The following NEBL variants were observed in gnomAD, a reference collection of about 807,000 sequenced individuals.
NEBL encodes the protein LIM and SH3 protein 2.
In NEBL, 122 loss-of-function variants were observed where a neutral mutation model predicts 140.2. The ratio of observed to expected loss-of-function variants is 0.87; its 90% confidence interval spans 0.75 to 1.01. The LOEUF is 1.01. NEBL is among the 50% of genes least tolerant of loss of function. The pLI is 0.00. For missense variants in NEBL, 1,365 were observed against 1,231.3 expected, an observed-to-expected ratio of 1.11 and a Z score of -1.62; for synonymous variants, 436 against 398.9, an observed-to-expected ratio of 1.09 and a Z score of -1.11.
intron 2 of NEBL, among the ~76,000 whole-genome samples, chr10:21,023,180 G>A (rs1838869930): frequency 6.6e-6 from 1 of 152,110 alleles, no homozygotes; most frequent in Admixed American, 6.6e-5. Flanking sequence ...TGTATTCTGT[G>A]GGATAAAGTT....
intron 3 of NEBL, among the ~76,000 whole-genome samples, chr10:21,008,114 T>C (rs1838205950): frequency 6.6e-6 from 1 of 152,212 alleles, no homozygotes; most frequent in African/African-American, 2.4e-5. Flanking sequence ...TTAACTTTGT[T>C]ATATTATTAT....
chr10:21,070,774 G>A (rs1460623244), intron 2 of NEBL, among the ~76,000 whole-genome samples: 5 of 152,136 alleles, frequency 3.3e-5, no homozygotes, highest in East Asian at 1.9e-4. Context: ...ATAAGGAAAC[G>A]GAGTCTTTAT....
At chr10:20,949,159 T>G (rs1263940077) in intron 4 of NEBL, among the ~76,000 whole-genome samples, 1 of 152,200 alleles carries the variant, frequency 6.6e-6, no homozygotes, top group African/African-American at 2.4e-5. Context: ...CTGATTGCCC[T>G]GGCCAGAACT....
intron 2 of NEBL, among the ~76,000 whole-genome samples, chr10:20,895,102 C>T (rs987878053): frequency 3.9e-5 from 6 of 151,996 alleles, no homozygotes; most frequent in African/African-American, 7.3e-5. Flanking sequence ...ATAAAGGCCA[C>T]CACCCCTCAC....
At chr10:21,026,605 C>T (rs1055035201) in intron 2 of NEBL, among the ~76,000 whole-genome samples, 15 of 152,178 alleles carry the variant, frequency 9.9e-5, no homozygotes, top group African/African-American at 3.6e-4. Context: ...TCTGGCTTTC[C>T]GTTTACCTAA....
intron 3 of NEBL, among the ~76,000 whole-genome samples, chr10:20,981,727 A>T (rs930560064): frequency 6.6e-6 from 1 of 152,172 alleles, no homozygotes; most frequent in Non-Finnish European, 1.5e-5. Flanking sequence ...CACTGGACTG[A>T]CAGCTACAAG....
At chr10:21,026,545 G>A (rs913872066) in intron 2 of NEBL, among the ~76,000 whole-genome samples, 3 of 152,040 alleles carry the variant, frequency 2.0e-5, no homozygotes, top group East Asian at 1.9e-4. Context: ...ATTCTAAATC[G>A]ATTATATCCA....
intron 2 of NEBL, among the ~76,000 whole-genome samples, chr10:21,031,233 G>A (rs656069): frequency 0.61 from 92,302 of 151,964 alleles, 28,083 homozygotes; most frequent in East Asian, 0.73. Context: ...GGATGATGAT[G>A]AACCCTATGG....
In NEBL at chr10:21,173,856, G is replaced by A; in HGVS notation, c.-23C>T. The stretch of plus-strand genomic sequence containing the variant: ...CATGATCGCGGTTCCCGGGGGCGGC[G>A]GCGGCGGCGGCTGCTGGCTCCCAGG... On this transcript the variant is annotated 5_prime_UTR_variant, in exon 1 of 7. Coordinates refer to the NEBL transcript ENST00000417816. The surrounding 1 kb of genome is among the most constrained non-coding windows in gnomAD (Gnocchi z 5.7). The A allele has an allele frequency of 6.2e-7, 1 of 1,607,844 alleles. No homozygotes were observed. Among genetic ancestry groups the A allele is most frequent in the African/African-American group, 1.3e-5 (1 of 74,912 alleles).
chr10:20,898,346 A>G (rs1847668675), upstream of NEBL, among the ~76,000 whole-genome samples: 2 of 152,146 alleles, frequency 1.3e-5, no homozygotes, highest in African/African-American at 4.8e-5. Context: ...AGTAATACTG[A>G]TGATACAAAA....
intron 3 of NEBL, among the ~76,000 whole-genome samples, chr10:21,011,987 C>T (rs545828287): frequency 6.6e-6 from 1 of 152,350 alleles, no homozygotes; most frequent in African/African-American, 2.4e-5. Context: ...GCCTGCCATG[C>T]TGCAGAGGCC....
chr10:20,826,656 A>T (rs1839907503), intron 17 of NEBL, 117 bp from the exon 18 acceptor site: 2 of 788,720 alleles, frequency 2.5e-6, no homozygotes, highest in South Asian at 3.0e-5. Context: ...GCATCTATTT[A>T]TGAGTGCCGG....
At chr10:20,929,245 A>G (rs1302649022) in intron 4 of NEBL, among the ~76,000 whole-genome samples, 2 of 149,840 alleles carry the variant, frequency 1.3e-5, no homozygotes, top group Non-Finnish European at 3.0e-5. Context: ...GGATAAAGAA[A>G]ATGTGAGAGA....
intron 3 of NEBL, among the ~76,000 whole-genome samples, chr10:20,997,481 A>C (rs1837715993): frequency 1.1e-5 from 1 of 89,780 alleles, no homozygotes; most frequent in South Asian, 3.2e-4. Flanking sequence ...TAAAAAAAAA[A>C]AAAAAAAAAA....
chr10:20,907,192 T>C (rs1462226825), intron 4 of NEBL, among the ~76,000 whole-genome samples: 1 of 152,144 alleles, frequency 6.6e-6, no homozygotes, highest in African/African-American at 2.4e-5. Flanking sequence ...CTCAGGGTCT[T>C]AATAAGCAAG....
intron 2 of NEBL, among the ~76,000 whole-genome samples, chr10:21,028,054 C>A (rs566159614): frequency 6.6e-6 from 1 of 151,548 alleles, no homozygotes; most frequent in Non-Finnish European, 1.5e-5. Flanking sequence ...TGGTGAAACC[C>A]TGTCTCTACT....
At chr10:21,213,601 C>T (rs146908541) in intron 3 of NEBL, among the ~76,000 whole-genome samples, 2 of 152,276 alleles carry the variant, frequency 1.3e-5, no homozygotes, top group East Asian at 3.9e-4. Context: ...CATGAAGATG[C>T]TCTCAGGACT....
chr10:20,885,145 A>T (rs866867532), intron 4 of NEBL, among the ~76,000 whole-genome samples: 1 of 152,238 alleles, frequency 6.6e-6, no homozygotes, highest in Non-Finnish European at 1.5e-5. Flanking sequence ...TTCTGAATTC[A>T]TCCAATACTC....
At chr10:21,108,128 G>A (rs987358718) in intron 2 of NEBL, among the ~76,000 whole-genome samples, 12 of 152,042 alleles carry the variant, frequency 7.9e-5, no homozygotes, top group African/African-American at 2.7e-4. Flanking sequence ...TGGATTCAAT[G>A]ATTTTTGAAG....
Sources: gnomAD v4.1 joint callset for allele counts (sites outside exome capture counted in the v4.1 genomes callset) on GRCh38, gnomAD v4.1.1 for gene constraint, Gnocchi (gnomAD v3.1) non-coding constraint, MANE v1.5 for transcripts, NCBI Gene and HGNC (gene_info 2026-07-23, HGNC 2026-07-21) for gene names.